Variants in CACNG4 observed in about 807,000 individuals in gnomAD.
CACNG4 encodes the protein calcium voltage-gated channel auxiliary subunit gamma 4.
CACNG4 carries 8 observed loss-of-function variants against 22.9 expected under a neutral mutation model. That is an observed-to-expected ratio of 0.35 (90% CI 0.21 to 0.63). CACNG4 has a LOEUF of 0.63. Ranked by LOEUF, CACNG4 falls within the 30% of genes least tolerant of loss-of-function variation. CACNG4 has a pLI of 0.72. For synonymous variants in CACNG4, 188 were observed against 191.9 expected, an observed-to-expected ratio of 0.98 and a Z score of 0.17; for missense variants, 357 against 455.4, an observed-to-expected ratio of 0.78 and a Z score of 1.97.
intron 1 of CACNG4, among the ~76,000 whole-genome samples, chr17:66,968,861 C>T (rs1010970595): frequency 6.8e-6 from 1 of 147,792 alleles, no homozygotes; most frequent in African/African-American, 2.5e-5. Context: ...CAATCTGTTT[C>T]TCAGTCTCTC....
intron 1 of CACNG4, among the ~76,000 whole-genome samples, chr17:67,011,910 C>T (rs1166642039): frequency 1.3e-5 from 2 of 152,168 alleles, no homozygotes; most frequent in Admixed American, 6.5e-5. Flanking sequence ...TCCGAGGCTG[C>T]CTTCTTTCCC....
Position 67,031,279 on chromosome 17 carries a change from A to G in CACNG4, c.*275A>G. 1.6e-6 allele frequency: 1 copy of G among 626,000 alleles called. No homozygotes were observed. Among genetic ancestry groups the G allele is most frequent in the Admixed American group, 2.1e-5 (1 of 47,588 alleles). 38.8% of individuals were successfully genotyped at this position (626,000 alleles called of 1,614,324 possible). On this transcript the variant is annotated 3_prime_UTR_variant, in exon 4 of 4. Coordinates refer to ENST00000262138, the MANE Select transcript of CACNG4 (RefSeq NM_014405.4). This position sits in a 1 kb window ranked among gnomAD's most constrained non-coding sequence, Gnocchi z 4.0. Reference sequence around the variant, plus strand: ...TCTGAAATCTCCCGGGAAGCCCCAGAGCTTTCCTGAGGCTGCCTGGCCTTG... The same window carrying G: ...TCTGAAATCTCCCGGGAAGCCCCAGGGCTTTCCTGAGGCTGCCTGGCCTTG...
intron 1 of CACNG4, among the ~76,000 whole-genome samples, chr17:66,971,170 C>G (rs982389348): frequency 2.0e-5 from 3 of 152,036 alleles, no homozygotes; most frequent in African/African-American, 7.3e-5. Flanking sequence ...CGGAAAGCCT[C>G]TGCCCATAGC....
intron 1 of CACNG4, among the ~76,000 whole-genome samples, chr17:67,011,998 G>A (rs937775119): frequency 6.6e-6 from 1 of 152,136 alleles, no homozygotes; most frequent in African/African-American, 2.4e-5. Context: ...TGCACCTGGT[G>A]GCTATCTGGT....
At chr17:67,000,154 TC>T (rs2035399600) in intron 1 of CACNG4, among the ~76,000 whole-genome samples, 2 of 152,284 alleles carry the variant, frequency 1.3e-5, no homozygotes, top group Non-Finnish European at 2.9e-5. Context: ...TTCAGGACTC[TC>T]CTCTCTTTCC....
chr17:66,971,206 G>A (rs1043926629), intron 1 of CACNG4, among the ~76,000 whole-genome samples: 2 of 152,116 alleles, frequency 1.3e-5, no homozygotes, highest in African/African-American at 4.8e-5. Context: ...GGGTCGGTGT[G>A]GCCTCATGGA....
intron 1 of CACNG4, among the ~76,000 whole-genome samples, chr17:66,979,280 A>G (rs914854196): frequency 2.6e-5 from 4 of 152,042 alleles, no homozygotes; most frequent in Admixed American, 6.6e-5. Context: ...TGAGTCTGCC[A>G]TCTTTGTAAA....
rs529799323 is a variant in CACNG4 at position 66,989,659 on chromosome 17, G to A, written c.220+24528G>A. 4.0e-5 allele frequency among the ~76,000 whole-genome samples: 6 copies of A among 151,686 alleles called. 1 individual carries two copies. Among genetic ancestry groups the A allele is most frequent in the African/African-American group, 1.5e-4 (6 of 41,054 alleles). On this transcript the variant is annotated intron_variant, in intron 1 of 3. Coordinates refer to ENST00000262138, the MANE Select transcript of CACNG4 (RefSeq NM_014405.4). ...TGCAAATAACTGCCGAATTAACCAC[G>A]CTTCCGAAGTGTTTCCCATGCTGCT...
At chr17:66,969,153 G>T (rs770810531) in intron 1 of CACNG4, among the ~76,000 whole-genome samples, 1 of 152,246 alleles carries the variant, frequency 6.6e-6, no homozygotes, top group Non-Finnish European at 1.5e-5. Context: ...TCTTGCCAGG[G>T]ACAGAAGAGC....
chr17:66,971,809 G>C (rs552920211), intron 1 of CACNG4, among the ~76,000 whole-genome samples: 1 of 152,302 alleles, frequency 6.6e-6, no homozygotes, highest in African/African-American at 2.4e-5. Context: ...GGTTGGGCTG[G>C]GGAGGCTCTG....
intron 1 of CACNG4, among the ~76,000 whole-genome samples, chr17:66,999,460 A>C (rs993515539): frequency 2.6e-5 from 4 of 152,210 alleles, no homozygotes; most frequent in Non-Finnish European, 4.4e-5. Context: ...ATAAGGAAAG[A>C]GGCTTAATTA....
intron 1 of CACNG4, among the ~76,000 whole-genome samples, chr17:66,996,506 A>G (rs2035376342): frequency 6.6e-6 from 1 of 150,542 alleles, no homozygotes; most frequent in Non-Finnish European, 1.5e-5. Context: ...CGGCCTCCCC[A>G]GTAGCTGGAA....
intron 1 of CACNG4, among the ~76,000 whole-genome samples, chr17:67,000,414 GTT>G (rs796585352): frequency 7.3e-6 from 1 of 136,610 alleles, no homozygotes; most frequent in African/African-American, 3.2e-5. Context: ...TTTATTTACT[GTT>G]TTTTTTTTTT....
Position 66,991,078 on chromosome 17 carries a change from G to A in CACNG4, c.220+25947G>A, listed in dbSNP as rs548673678. ...AACCGTAAAGCGCTGGCAGTTGCTAGGAGCTCGGTGAATGGCGCTCCCTCC... is the reference window on the plus strand; with the variant it reads ...AACCGTAAAGCGCTGGCAGTTGCTAAGAGCTCGGTGAATGGCGCTCCCTCC... On this transcript the variant is annotated intron_variant, in intron 1 of 3. Transcript: ENST00000262138. Among the ~76,000 whole-genome samples, 9 of 152,282 alleles carry A rather than the reference G, an allele frequency of 5.9e-5. No homozygotes were observed. In the East Asian group the frequency reaches 1.5e-3, roughly 26 times the overall value.
chr17:67,028,614 G>T (rs1208236790), intron 3 of CACNG4, among the ~76,000 whole-genome samples: 1 of 151,992 alleles, frequency 6.6e-6, no homozygotes, highest in Non-Finnish European at 1.5e-5. Flanking sequence ...TACGTCAGGC[G>T]CCCTGTGTGC....
chr17:67,021,918 C>T (rs559315075), intron 2 of CACNG4, among the ~76,000 whole-genome samples: 2 of 152,300 alleles, frequency 1.3e-5, no homozygotes, highest in East Asian at 3.9e-4. Context: ...CTGTGCCCGA[C>T]CTGCACCACT....
intron 1 of CACNG4, among the ~76,000 whole-genome samples, chr17:67,009,922 C>T (rs73997313): frequency 0.019 from 2,865 of 152,188 alleles, 87 homozygotes; most frequent in African/African-American, 0.065. Flanking sequence ...GCATCCCCAC[C>T]GTGGAGACTG....
At chr17:66,979,883 G>A (rs578119818) in intron 1 of CACNG4, among the ~76,000 whole-genome samples, 3,768 of 150,634 alleles carry the variant, frequency 0.025, 51 homozygotes, top group East Asian at 0.069. Flanking sequence ...AGCCTCCCAA[G>A]TAGCTGGGAT....
rs368742833 is a variant in CACNG4, at chr17:66,980,906, A to G, written c.220+15775A>G. 7.9e-5 allele frequency among the ~76,000 whole-genome samples: 12 copies of G among 152,300 alleles called. No individual in the cohort carries two copies. In the East Asian group the frequency reaches 2.3e-3, roughly 29 times the overall value. ...AGTCCTGGGATTACAGGCGTGAGCC[A>G]CCGCACCCGGCCTTGTTAGAAACAT... On this transcript the variant is annotated intron_variant, in intron 1 of 3. Transcript: ENST00000262138.
Sources: allele counts gnomAD v4.1 joint callset (sites outside exome capture counted in the v4.1 genomes callset), GRCh38; gene constraint gnomAD v4.1.1; non-coding constraint Gnocchi (gnomAD v3.1); transcripts MANE v1.5; gene names NCBI Gene and HGNC (gene_info 2026-07-23, HGNC 2026-07-21).